The following LSAMP variants were observed in gnomAD, a reference collection of about 807,000 sequenced individuals.
The protein encoded by LSAMP is limbic system-associated membrane protein.
In LSAMP, 7 loss-of-function variants were observed where a neutral mutation model predicts 38.6. The ratio of observed to expected loss-of-function variants is 0.18; its 90% CI spans 0.10 to 0.34. The LOEUF (loss-of-function observed/expected upper bound fraction) is 0.34. LSAMP is among the 10% of genes least tolerant of loss of function. LSAMP has a pLI of 1.00. For missense variants in LSAMP, 313 were observed against 420.0 expected (o/e 0.75, Z 2.23); for synonymous variants, 154 against 166.8 (o/e 0.92, Z 0.59).
intron 1 of LSAMP, among the ~76,000 whole-genome samples, chr3:116,233,514 A>G (rs189604244): frequency 1.3e-5 from 2 of 152,096 alleles, no homozygotes; most frequent in Admixed American, 6.5e-5. Context: ...ATTTTGAAAT[A>G]CACATTAAAT....
intron 3 of LSAMP, among the ~76,000 whole-genome samples, chr3:115,891,280 G>A (rs1185827904): frequency 6.6e-6 from 1 of 151,980 alleles, no homozygotes; most frequent in Non-Finnish European, 1.5e-5. Flanking sequence ...GTGATTTGCT[G>A]TACCCATCAA....
At chr3:116,011,968 T>C (rs945038651) in intron 3 of LSAMP, among the ~76,000 whole-genome samples, 11 of 152,198 alleles carry the variant, frequency 7.2e-5, no homozygotes. Context: ...ACGAGGGATA[T>C]TGGAATAGAT....
intron 3 of LSAMP, among the ~76,000 whole-genome samples, chr3:115,960,665 G>C (rs4831212): frequency 0.25 from 38,418 of 152,040 alleles, 5,347 homozygotes; most frequent in Non-Finnish European, 0.32. Context: ...GGTTGGCATG[G>C]CTTTCCACTT....
chr3:115,866,062 T>A (rs1232858480), intron 3 of LSAMP, among the ~76,000 whole-genome samples: 17 of 152,190 alleles, frequency 1.1e-4, no homozygotes, highest in Admixed American at 1.1e-3. Context: ...TCTCTCTGTG[T>A]CTCTTGTTAA....
chr3:115,950,605 A>G (rs763374974), intron 3 of LSAMP, among the ~76,000 whole-genome samples: 36 of 152,108 alleles, frequency 2.4e-4, no homozygotes, highest in Non-Finnish European at 4.4e-4. Context: ...AACACAAACA[A>G]ATGGAAATAT....
chr3:116,326,457 G>A (rs2047774455), intron 1 of LSAMP, among the ~76,000 whole-genome samples: 2 of 152,090 alleles, frequency 1.3e-5, no homozygotes, highest in South Asian at 2.1e-4. Flanking sequence ...CAACTCCAGT[G>A]CCCTTGGATC....
chr3:116,306,479 G>A (rs919441175), intron 1 of LSAMP, among the ~76,000 whole-genome samples: 4 of 151,978 alleles, frequency 2.6e-5, no homozygotes, highest in Non-Finnish European at 5.9e-5. Context: ...GGCTTGTAAT[G>A]GGAATGACGG....
intron 1 of LSAMP, among the ~76,000 whole-genome samples, chr3:116,207,720 T>C (rs1020965910): frequency 4.6e-5 from 7 of 151,522 alleles, no homozygotes; most frequent in African/African-American, 1.7e-4. Context: ...TTTAAGAATG[T>C]TGAATATTGG....
intron 1 of LSAMP, among the ~76,000 whole-genome samples, chr3:116,297,125 A>C (rs377112124): frequency 6.6e-6 from 1 of 152,220 alleles, no homozygotes. Context: ...TGTTGTGACT[A>C]GGTTTCTTGT....
At chr3:116,428,270 C>T (rs1187889450) in intron 1 of LSAMP, among the ~76,000 whole-genome samples, 9 of 151,978 alleles carry the variant, frequency 5.9e-5, no homozygotes, top group Non-Finnish European at 1.5e-5. Flanking sequence ...CCATCCTGGC[C>T]AACATGGTGA....
intron 3 of LSAMP, among the ~76,000 whole-genome samples, chr3:115,903,587 G>A (rs1936934743): frequency 6.6e-6 from 1 of 152,154 alleles, no homozygotes; most frequent in South Asian, 2.1e-4. Flanking sequence ...GGATGGAGAT[G>A]TTTTATATCT....
chr3:116,227,423 T>A (rs2046354039), intron 1 of LSAMP, among the ~76,000 whole-genome samples: 1 of 152,238 alleles, frequency 6.6e-6, no homozygotes, highest in African/African-American at 2.4e-5. Flanking sequence ...CCATATCCAC[T>A]TTCTTCATTA....
At chr3:115,955,308 T>A (rs935952521) in intron 3 of LSAMP, among the ~76,000 whole-genome samples, 1 of 152,186 alleles carries the variant, frequency 6.6e-6, no homozygotes, top group African/African-American at 2.4e-5. Context: ...CTAAATAGGA[T>A]TTTTCAGGTT....
intron 1 of LSAMP, among the ~76,000 whole-genome samples, chr3:116,431,137 T>C (rs1199158755): frequency 6.6e-6 from 1 of 152,016 alleles, no homozygotes; most frequent in Non-Finnish European, 1.5e-5. Flanking sequence ...ATCCAAGTGT[T>C]GATCCTGGCC....
chr3:116,265,300 C>A (rs559880291), intron 1 of LSAMP, among the ~76,000 whole-genome samples: 1 of 152,066 alleles, frequency 6.6e-6, no homozygotes, highest in Non-Finnish European at 1.5e-5. Flanking sequence ...GGGAGCTTGG[C>A]GCTTGTTTGA....
At chr3:116,186,402 T>C (rs1390369336) in intron 1 of LSAMP, among the ~76,000 whole-genome samples, 1 of 152,166 alleles carries the variant, frequency 6.6e-6, no homozygotes, top group Non-Finnish European at 1.5e-5. Context: ...TCTTGAGTGA[T>C]ACAGGGTACA....
chr3:116,235,010 A>C (rs1229952792), intron 1 of LSAMP, among the ~76,000 whole-genome samples: 3 of 141,264 alleles, frequency 2.1e-5, no homozygotes, highest in Non-Finnish European at 4.6e-5. Context: ...AACTTTTTTT[A>C]TGTAGCATTA....
chr3:116,366,574 T>C (rs887481124), intron 1 of LSAMP, among the ~76,000 whole-genome samples: 1 of 152,268 alleles, frequency 6.6e-6, no homozygotes, highest in South Asian at 2.1e-4. Context: ...TCAGTGAGCA[T>C]GGAGGAAAGC....
chr3:115,936,545 T>C (rs1937708020), intron 3 of LSAMP, among the ~76,000 whole-genome samples: 1 of 152,154 alleles, frequency 6.6e-6, no homozygotes, highest in African/African-American at 2.4e-5. Flanking sequence ...AGGTTATTTT[T>C]ACTTGGACCT....
Sources: allele counts gnomAD v4.1 joint callset (sites outside exome capture counted in the v4.1 genomes callset), GRCh38; gene constraint gnomAD v4.1.1; transcripts MANE v1.5; gene names NCBI Gene and HGNC (gene_info 2026-07-23, HGNC 2026-07-21).